LCORL: variants seen among roughly 807,000 people sequenced by gnomAD.
LCORL encodes the protein ligand-dependent nuclear receptor corepressor-like protein.
LCORL carries 41 observed loss-of-function variants against 141.8 expected under a neutral mutation model. That is an observed-to-expected ratio of 0.29 (90% CI 0.23 to 0.38). The LOEUF (loss-of-function observed/expected upper bound fraction) is 0.38. LCORL is among the 10% of genes least tolerant of loss of function. LCORL has a pLI of 1.00. For synonymous variants in LCORL, 618 were observed against 694.1 expected (o/e 0.89, Z 1.72); for missense variants, 1,759 against 2,035.0 (o/e 0.86, Z 2.61).
At chr4:17,856,428 A>C (rs1475260237) in intron 7 of LCORL, among the ~76,000 whole-genome samples, 1 of 152,200 alleles carries the variant, frequency 6.6e-6, no homozygotes, top group Non-Finnish European at 1.5e-5. Context: ...GAAGGTGGCT[A>C]TCTGCAAGCT....
chr4:17,884,871 A>G lies in LCORL; in HGVS notation c.776+1197T>C. On this transcript the variant is annotated intron_variant, in intron 6 of 7. Coordinates refer to ENST00000635767, the Ensembl canonical transcript of LCORL. This position sits in a 1 kb window ranked among gnomAD's most constrained non-coding sequence, Gnocchi z 4.4. Reference sequence around the variant, plus strand: ...TGCTTAGGTAACATCACTGCTTATGACACTTTTAAGTCTGTGAGATGTAGT... The same window carrying G: ...TGCTTAGGTAACATCACTGCTTATGGCACTTTTAAGTCTGTGAGATGTAGT... 2 of 499,316 alleles carry G rather than the reference A, an allele frequency of 4.0e-6. No homozygotes were observed. The highest frequency in any genetic ancestry group is 6.3e-5 in the East Asian group (2 of 31,930). The allele number at this position is 499,316 out of a possible 1,614,324, so 30.9% of individuals were successfully genotyped here. A position where few individuals can be genotyped will look rare whatever the true frequency, so the allele number is the denominator to read the frequency against.
chr4:17,909,370 T>C (rs201887950), intron 4 of LCORL, 25 bp from the exon 5 acceptor site: 93 of 1,502,606 alleles, frequency 6.2e-5, no homozygotes, highest in Admixed American at 4.5e-4. Flanking sequence ...AATATAATAA[T>C]CATTTTAAAA....
chr4:18,021,689 G>GGCGGCGGCGGCGGCGGCA lies in LCORL; in HGVS notation c.45_62dup (p.Ala17_Ala22dup), dbSNP rs1553889909. 4 of 1,483,834 alleles carry GGCGGCGGCGGCGGCGGCA rather than the reference G, an allele frequency of 2.7e-6. No individual in the cohort carries two copies. Among genetic ancestry groups the GGCGGCGGCGGCGGCGGCA allele is most frequent in the Admixed American group, 2.4e-5 (1 of 41,884 alleles). 91.9% of individuals were successfully genotyped at this position (1,483,834 alleles called of 1,614,324 possible). On this transcript the variant is annotated inframe_insertion, in exon 1 of 8. Coordinates refer to ENST00000635767, the Ensembl canonical transcript of LCORL. This position sits in a 1 kb window ranked among gnomAD's most constrained non-coding sequence, Gnocchi z 5.5. ...CGCACCGAGGGCTCCGGCACTGAGC[G>GGCGGCGGCGGCGGCGGCA]GCGGCGGCGGCGGCGGCAGCAGCGG...
At chr4:17,957,337 A>G (rs1712869312) in intron 4 of LCORL, among the ~76,000 whole-genome samples, 1 of 152,034 alleles carries the variant, frequency 6.6e-6, no homozygotes, top group South Asian at 2.1e-4. Flanking sequence ...GGAATTAAAA[A>G]CAATAGCAAG....
intron 4 of LCORL, among the ~76,000 whole-genome samples, chr4:17,937,505 A>G (rs754123643): frequency 5.3e-5 from 8 of 152,240 alleles, no homozygotes; most frequent in Admixed American, 1.3e-4. Context: ...AAGTCATAAT[A>G]AACAACTGAT....
At chr4:17,955,640 AAG>A (rs376877129) in intron 4 of LCORL, among the ~76,000 whole-genome samples, 58 of 152,242 alleles carry the variant, frequency 3.8e-4, no homozygotes, top group Middle Eastern at 3.4e-3. Flanking sequence ...AACTTCCTAT[AAG>A]AGAGGAAATC....
intron 1 of LCORL, among the ~76,000 whole-genome samples, chr4:17,984,694 A>AT (rs1297472016): frequency 6.6e-6 from 1 of 151,872 alleles, no homozygotes; most frequent in Non-Finnish European, 1.5e-5. Context: ...TATTTTATTA[A>AT]TTTTTTCAAA....
chr4:17,958,841 A>T (rs1465140827), intron 4 of LCORL, among the ~76,000 whole-genome samples: 11 of 151,982 alleles, frequency 7.2e-5, no homozygotes, highest in Admixed American at 7.2e-4. Flanking sequence ...TCTGCAATAA[A>T]CAAAACAAAG....
At chr4:17,924,487 G>A (rs1195905540) in intron 4 of LCORL, among the ~76,000 whole-genome samples, 1 of 152,154 alleles carries the variant, frequency 6.6e-6, no homozygotes, top group Non-Finnish European at 1.5e-5. Context: ...ATTCCTCGGG[G>A]TGATCAGCCA....
At chr4:18,003,888 A>T (rs1156596964) in intron 1 of LCORL, among the ~76,000 whole-genome samples, 5 of 152,186 alleles carry the variant, frequency 3.3e-5, no homozygotes, top group African/African-American at 4.8e-5. Context: ...TCTTGGATAA[A>T]TTTTCCTGAC....
chr4:17,882,597 C>A, intron 6 of LCORL: 1 of 984,582 alleles, frequency 1.0e-6, no homozygotes, highest in Non-Finnish European at 1.2e-6. Context: ...TAAATCTATT[C>A]AAGACCCTGA....
intron 1 of LCORL, among the ~76,000 whole-genome samples, chr4:17,985,294 T>C (rs1718765020): frequency 6.6e-6 from 1 of 152,076 alleles, no homozygotes; most frequent in Admixed American, 6.6e-5. Context: ...ATCCATTGGG[T>C]CCAATGTTGA....
At chr4:18,013,486 T>A (rs1005160234) in intron 1 of LCORL, among the ~76,000 whole-genome samples, 1 of 152,186 alleles carries the variant, frequency 6.6e-6, no homozygotes, top group African/African-American at 2.4e-5. Context: ...GGAATAAAAA[T>A]GGCAAACATT....
At chr4:17,915,402 T>A (rs550644966) in intron 4 of LCORL, among the ~76,000 whole-genome samples, 1 of 152,278 alleles carries the variant, frequency 6.6e-6, no homozygotes, top group South Asian at 2.1e-4. Flanking sequence ...AAATATGAAA[T>A]AATAAATGTC....
intron 1 of LCORL, among the ~76,000 whole-genome samples, chr4:18,003,507 A>G (rs1722307816): frequency 6.6e-6 from 1 of 152,208 alleles, no homozygotes; most frequent in Non-Finnish European, 1.5e-5. Context: ...ATCAAGAGTT[A>G]ACTTTTAGGT....
At chr4:17,968,980 T>C (rs1156466330) in intron 2 of LCORL, among the ~76,000 whole-genome samples, 1 of 152,246 alleles carries the variant, frequency 6.6e-6, no homozygotes, top group African/African-American at 2.4e-5. Flanking sequence ...ACAGGCCTAA[T>C]GCATTGAGGT....
chr4:17,894,740 A>G (rs1041301302), intron 5 of LCORL, among the ~76,000 whole-genome samples: 1 of 152,114 alleles, frequency 6.6e-6, no homozygotes, highest in Non-Finnish European at 1.5e-5. Flanking sequence ...AACAAATAAC[A>G]TATTACTAAT....
At chr4:17,878,402 TGACA>T (rs1187267488) in intron 6 of LCORL, among the ~76,000 whole-genome samples, 189 bp from the exon 7 acceptor site, 1 of 151,512 alleles carries the variant, frequency 6.6e-6, no homozygotes, top group Non-Finnish European at 1.5e-5. Context: ...TAATTTCCTA[TGACA>T]AAGTATAAGT....
intron 1 of LCORL, among the ~76,000 whole-genome samples, chr4:17,974,808 T>C (rs759145436): frequency 1.1e-4 from 16 of 152,164 alleles, no homozygotes; most frequent in Non-Finnish European, 1.9e-4. Flanking sequence ...AGGCTATCGA[T>C]TTCTTATTAA....
Sources: allele counts gnomAD v4.1 joint callset (sites outside exome capture counted in the v4.1 genomes callset), GRCh38; gene constraint gnomAD v4.1.1; non-coding constraint Gnocchi (gnomAD v3.1); transcripts MANE v1.5; gene names NCBI Gene and HGNC (gene_info 2026-07-23, HGNC 2026-07-21).